PSD2: variants seen among roughly 807,000 people sequenced by gnomAD.
PSD2 encodes pleckstrin and Sec7 domain containing 2.
In PSD2, 38 loss-of-function variants were observed where a neutral mutation model predicts 69.8. That is an observed-to-expected ratio of 0.54 (90% CI 0.42 to 0.71). The LOEUF (loss-of-function observed/expected upper bound fraction) is 0.71, where lower values mean the gene tolerates loss of function less well. Ranked by LOEUF, PSD2 falls within the 30% of genes least tolerant of loss-of-function variation. The pLI is 0.00. For synonymous variants in PSD2, 412 were observed against 423.0 expected (o/e 0.97, Z 0.32); for missense variants, 943 against 1,014.5 (o/e 0.93, Z 0.96).
At chr5:139,796,172 T>A (rs2126918829) in intron 1 of PSD2, among the ~76,000 whole-genome samples, 197 bp downstream of exon 1, 1 of 151,980 alleles carries the variant, frequency 6.6e-6, no homozygotes, top group South Asian at 2.1e-4. Context: ...ACGGTTGTCA[T>A]GGAGATGGGG....
At chr5:139,774,131 T>G in the PSD2 span, among the ~76,000 whole-genome samples, 1 of 152,034 alleles carries the variant, frequency 6.6e-6, no homozygotes, top group African/African-American at 2.4e-5. Context: ...GGTCTCGTTT[T>G]TTTTTTGATG....
In PSD2 at chr5:139,837,479, G is replaced by T; in HGVS notation, c.1666-146G>T. ...TCTGGGACAAACTGGGGTAAGGGGAGGAGTACCTGGATTCTTGTTGGGGTG... is the reference window on the plus strand; with the variant it reads ...TCTGGGACAAACTGGGGTAAGGGGATGAGTACCTGGATTCTTGTTGGGGTG... On this transcript the variant is annotated intron_variant, in intron 11 of 14. Coordinates refer to ENST00000274710, the MANE Select transcript of PSD2 (RefSeq NM_032289.4). This position sits in a 1 kb window ranked among gnomAD's most constrained non-coding sequence, Gnocchi z 5.0. 1 of 887,024 alleles carries T rather than the reference G, an allele frequency of 1.1e-6. No homozygotes were observed. 54.9% of individuals were successfully genotyped at this position (887,024 alleles called of 1,614,324 possible).
At chr5:139,757,050 T>C in the PSD2 span, among the ~76,000 whole-genome samples, 3 of 152,166 alleles carry the variant, frequency 2.0e-5, no homozygotes, top group Non-Finnish European at 4.4e-5. Flanking sequence ...CTGCTCAAGG[T>C]CCAGGGTAGT....
At chr5:139,751,140 G>T in the PSD2 span, among the ~76,000 whole-genome samples, 4 of 152,120 alleles carry the variant, frequency 2.6e-5, no homozygotes, top group African/African-American at 9.7e-5. Context: ...CATCCAGGTG[G>T]TTCAGCTCTG....
the PSD2 span, among the ~76,000 whole-genome samples, chr5:139,751,302 C>T: frequency 2.7e-4 from 41 of 152,276 alleles, no homozygotes; most frequent in African/African-American, 9.9e-4. Flanking sequence ...ACTCCTCTCC[C>T]CACCCCAAGC....
the PSD2 span, among the ~76,000 whole-genome samples, chr5:139,752,731 T>TA: frequency 1.3e-5 from 2 of 151,972 alleles, no homozygotes; most frequent in Non-Finnish European, 2.9e-5. Flanking sequence ...GGCACACACA[T>TA]ACACACACGT....
At chr5:139,800,571 G>A (rs1008793192) in intron 1 of PSD2, among the ~76,000 whole-genome samples, 19 of 152,176 alleles carry the variant, frequency 1.2e-4, no homozygotes, top group African/African-American at 4.6e-4. Context: ...CCCTGTGCCC[G>A]GCCCTCACTT....
At chr5:139,788,239 G>A in the PSD2 span, among the ~76,000 whole-genome samples, 1 of 150,218 alleles carries the variant, frequency 6.7e-6, no homozygotes, top group Non-Finnish European at 1.5e-5. Context: ...CTCCCCCTGC[G>A]GGAACCTTCC....
intron 1 of PSD2, among the ~76,000 whole-genome samples, chr5:139,802,822 C>G (rs58220186): frequency 1.3e-5 from 2 of 151,980 alleles, no homozygotes; most frequent in African/African-American, 4.8e-5. Context: ...GAGAAGCAAG[C>G]TGGGAGATGT....
intron 1 of PSD2, among the ~76,000 whole-genome samples, chr5:139,807,659 G>A (rs548732311): frequency 1.1e-4 from 16 of 152,202 alleles, no homozygotes; most frequent in East Asian, 7.7e-4. Context: ...AACGGGCGGC[G>A]TCCCAGGTCT....
At position 139,809,596 on chromosome 5, in the gene PSD2, C is replaced by CACCCCA; in HGVS notation, c.157_162dup (p.Thr53_Pro54dup). ...GCAGCCCAGGGCACGAGCGAAGGGG[C>CACCCCA]ACCCCAGCGGACACTGAGGAACCCA... is the stretch of plus-strand genomic sequence containing the variant. On this transcript the variant is annotated inframe_insertion, in exon 2 of 15. Transcript: ENST00000274710. 1.2e-6 allele frequency: 2 copies of CACCCCA among 1,614,260 alleles called. No homozygotes were observed. The highest frequency in any genetic ancestry group is 1.7e-6 in the Non-Finnish European group (2 of 1,180,034).
At chr5:139,812,642 T>G (rs1351734532) in intron 2 of PSD2, among the ~76,000 whole-genome samples, 1 of 152,128 alleles carries the variant, frequency 6.6e-6, no homozygotes, top group African/African-American at 2.4e-5. Context: ...AGGAGGCCAG[T>G]GTGCTGTGGG....
At chr5:139,787,265 T>A in the PSD2 span, among the ~76,000 whole-genome samples, 1 of 152,212 alleles carries the variant, frequency 6.6e-6, no homozygotes, top group Admixed American at 6.5e-5. Flanking sequence ...CTACCATGCC[T>A]GAGCTGCAGG....
At chr5:139,833,921 T>C in intron 8 of PSD2, 130 bp downstream of exon 8, 1 of 724,516 alleles carries the variant, frequency 1.4e-6, no homozygotes, top group Non-Finnish European at 2.5e-6. Flanking sequence ...GATGACAAAG[T>C]TAGAAACCAC....
the PSD2 span, among the ~76,000 whole-genome samples, chr5:139,764,287 C>A: frequency 6.6e-6 from 1 of 152,228 alleles, no homozygotes; most frequent in Non-Finnish European, 1.5e-5. Context: ...TCGCGCCTGG[C>A]ACTGAGACCG....
At chr5:139,770,565 C>CA in the PSD2 span, among the ~76,000 whole-genome samples, 3 of 151,916 alleles carry the variant, frequency 2.0e-5, no homozygotes, top group Non-Finnish European at 4.4e-5. Context: ...GACTCCGTGT[C>CA]AAAAAAACAA....
In PSD2 at chr5:139,843,470, T is replaced by G. The variant is rs1204254028; in HGVS notation, c.*996T>G. ...CCCTGTTTATATTTGGGTCTTTATG[T>G]TGGTGCTGCCAGGTCTCTGAGCTCC... is the stretch of plus-strand genomic sequence containing the variant. On this transcript the variant is annotated 3_prime_UTR_variant, in exon 15 of 15. Coordinates refer to ENST00000274710, the MANE Select transcript of PSD2 (RefSeq NM_032289.4). The G allele has an allele frequency of 6.6e-6, 1 of 152,274 alleles. No individual in the cohort carries two copies. Among genetic ancestry groups the G allele is most frequent in the Non-Finnish European group, 1.5e-5 (1 of 68,068 alleles). The allele number at this position is 152,274 out of a possible 1,614,324, so 9.4% of individuals were successfully genotyped here.
At chr5:139,745,195 C>T in the PSD2 span, 1 of 152,288 alleles carries the variant, frequency 6.6e-6, no homozygotes, top group Admixed American at 6.5e-5. Context: ...TTCATATACA[C>T]TGTCAGGCTC....
At chr5:139,836,461 C>G (rs895807535) in intron 9 of PSD2, among the ~76,000 whole-genome samples, 4 of 152,186 alleles carry the variant, frequency 2.6e-5, no homozygotes, top group African/African-American at 9.7e-5. Context: ...GCAGCAGCTT[C>G]AGTCTGGCCA....
Sources: gnomAD v4.1 joint callset for allele counts (sites outside exome capture counted in the v4.1 genomes callset) on GRCh38, gnomAD v4.1.1 for gene constraint, Gnocchi (gnomAD v3.1) non-coding constraint, MANE v1.5 for transcripts, NCBI Gene and HGNC (gene_info 2026-07-23, HGNC 2026-07-21) for gene names.